TTC13: variants seen among roughly 807,000 people sequenced by gnomAD.
The protein encoded by TTC13 is tetratricopeptide repeat domain 13, also known as tetratricopeptide repeat protein 13.
Under a neutral mutation model 120.0 loss-of-function variants are expected in TTC13, and 62 were observed. The observed-to-expected ratio is 0.52, with a 90% confidence interval of 0.42 to 0.64. The LOEUF is 0.64. Ranked by LOEUF, TTC13 falls within the 30% of genes least tolerant of loss-of-function variation. The pLI is 0.00. For synonymous variants in TTC13, 384 were observed against 393.5 expected (o/e 0.98, Z 0.28); for missense variants, 824 against 1,050.2 (o/e 0.78, Z 2.98).
intron 21 of TTC13, 25 bp downstream of exon 21, chr1:230,908,916 AT>A (rs1671216453): frequency 1.2e-6 from 2 of 1,613,430 alleles, no homozygotes; most frequent in Non-Finnish European, 1.7e-6. Context: ...ATAACCAAGC[AT>A]TTCTCCCTTC....
In TTC13 at chr1:230,931,838, T is replaced by C. The variant is rs143122625; in HGVS notation, c.1023A>G (p.Gln341=). 3.6e-4 allele frequency: 579 copies of C among 1,614,072 alleles called. No homozygotes were observed. The highest frequency in any genetic ancestry group is 4.4e-4 in the Non-Finnish European group (514 of 1,180,036). The change falls in exon 10 of 23, where the codon CAA becomes CAG. Residue 341 remains glutamine, a synonymous_variant. Coordinates refer to ENST00000366661, the MANE Select transcript of TTC13 (RefSeq NM_024525.5). ...GNFEAATESF[Q]KALLLNQNHV... ...GATTTTGGTTGAGCAACAGTGCCTT[T>C]TGAAAGCTCTCAGTGGCTGCTTCAA...
intron 1 of TTC13, among the ~76,000 whole-genome samples, chr1:230,962,183 C>T (rs1676698612): frequency 6.7e-6 from 1 of 149,940 alleles, no homozygotes; most frequent in Non-Finnish European, 1.5e-5. Flanking sequence ...GCACTCCAGC[C>T]TGGGCAACAA....
In TTC13 at chr1:230,978,136, C is replaced by T. The variant is rs1678540698; in HGVS notation, c.271+424G>A. The stretch of plus-strand genomic sequence containing the variant: ...CTAAGATGTGCCAGGCGTCTCCCTC[C>T]GGGGGCGGGCTCCGCAAGCCGCCGG... On this transcript the variant is annotated intron_variant, in intron 1 of 22. Transcript: ENST00000366661. The surrounding 1 kb of genome is among the most constrained non-coding windows in gnomAD (Gnocchi z 5.6). Among the ~76,000 whole-genome samples the T allele has an allele frequency of 6.6e-6, 1 of 152,214 alleles. No individual in the cohort carries two copies. Among genetic ancestry groups the T allele is most frequent in the African/African-American group, 2.4e-5 (1 of 41,456 alleles).
Position 230,973,547 on chromosome 1 carries a change from G to A in TTC13, c.271+5013C>T, listed in dbSNP as rs562692371. Among the ~76,000 whole-genome samples the A allele has an allele frequency of 2.0e-5, 3 of 152,282 alleles. No individual in the cohort carries two copies. The East Asian group carries it at 5.8e-4, about 29-fold the overall frequency. ...AAATTAAGACATCAAGTACAGGGCT[G>A]CATCACTCAAGAGCAGTGAAAAAAG... is the stretch of plus-strand genomic sequence containing the variant. On this transcript the variant is annotated intron_variant, in intron 1 of 22. Transcript: ENST00000366661.
At chr1:230,947,855 C>T (rs906480855) in intron 4 of TTC13, among the ~76,000 whole-genome samples, 3 of 152,178 alleles carry the variant, frequency 2.0e-5, no homozygotes, top group East Asian at 1.9e-4. Context: ...CCCGCACACC[C>T]GTGGCCGGGG....
chr1:230,974,554 C>G (rs1264778004), intron 1 of TTC13, among the ~76,000 whole-genome samples: 1 of 152,186 alleles, frequency 6.6e-6, no homozygotes, highest in African/African-American at 2.4e-5. Context: ...CTATACCATA[C>G]AACCAAGGTG....
intron 9 of TTC13, among the ~76,000 whole-genome samples, chr1:230,932,296 A>ATTT (rs34062590): frequency 2.0e-5 from 3 of 146,670 alleles, no homozygotes; most frequent in African/African-American, 7.5e-5. Context: ...TTAAAAATGC[A>ATTT]TTTTTTTTTT....
intron 1 of TTC13, among the ~76,000 whole-genome samples, chr1:230,973,343 C>G (rs577613025): frequency 1.3e-5 from 2 of 152,328 alleles, no homozygotes; most frequent in East Asian, 3.9e-4. Flanking sequence ...CATGGACAAT[C>G]TCAGTGTTAC....
At chr1:230,949,807 A>T (rs539745990) in intron 4 of TTC13, among the ~76,000 whole-genome samples, 3 of 152,006 alleles carry the variant, frequency 2.0e-5, no homozygotes, top group Admixed American at 6.6e-5. Context: ...CACCATGCCC[A>T]GCTAATTTTG....
At chr1:230,960,155 T>C (rs1676482782) in intron 2 of TTC13, among the ~76,000 whole-genome samples, 1 of 152,172 alleles carries the variant, frequency 6.6e-6, no homozygotes, top group Admixed American at 6.6e-5. Context: ...CAAATAAATA[T>C]CTGGAGAATG....
chr1:230,925,481 A>T (rs527599965), intron 13 of TTC13, 36 bp downstream of exon 13: 5 of 1,611,874 alleles, frequency 3.1e-6, no homozygotes. Flanking sequence ...CTCTTATGCC[A>T]GGAATATTTT....
At chr1:230,928,911 A>T (rs1387566990) in intron 12 of TTC13, 26 bp downstream of exon 12, 4 of 1,609,734 alleles carry the variant, frequency 2.5e-6, no homozygotes, top group Non-Finnish European at 3.4e-6. Context: ...AAGGAAAAAA[A>T]AATCATCTTC....
At chr1:230,959,779 G>T (rs1253861032) in intron 2 of TTC13, among the ~76,000 whole-genome samples, 1 of 152,218 alleles carries the variant, frequency 6.6e-6, no homozygotes, top group East Asian at 1.9e-4. Flanking sequence ...CTATGCTCAA[G>T]TAAGTTTGAA....
chr1:230,939,453 A>C lies in TTC13; in HGVS notation c.833T>G (p.Leu278Arg). Residue 278 changes from leucine to arginine, a missense_variant, in exon 8 of 23, where the codon CTG becomes CGG. Physicochemically the swap from Leu to Arg is moderately radical, Grantham distance 102. Around this residue, in one of 4 missense-constraint regions of TTC13, gnomAD observed 430 missense variants for 626.8 expected, o/e 0.69. Coordinates refer to ENST00000366661, the MANE Select transcript of TTC13 (RefSeq NM_024525.5). ...CATAGCTATAGGCTGGTTTTTGTTC[A>C]GTTCTAAGGACTGCTGAAAGTCTTC... is the stretch of plus-strand genomic sequence containing the variant. Reference protein sequence around the residue: ...AHEDFQQSLELNKNQPIAMLY... With the variant: ...AHEDFQQSLERNKNQPIAMLY... The C allele has an allele frequency of 1.2e-6, 2 of 1,612,662 alleles. No homozygotes were observed. The highest frequency in any genetic ancestry group is 1.7e-6 in the Non-Finnish European group (2 of 1,178,982).
chr1:230,958,302 G>T lies in TTC13; in HGVS notation c.367-3C>A. ...TCTGCAATAGACTTGGCCTGGCTCT[G>T]GGAAAAAAAAAAAAAAAACCCATAC... is the stretch of plus-strand genomic sequence containing the variant. On this transcript the variant is annotated splice_region_variant and splice_polypyrimidine_tract_variant and intron_variant, in intron 2 of 22. Transcript: ENST00000366661. 6.5e-7 allele frequency: 1 copy of T among 1,529,296 alleles called. No individual in the cohort carries two copies. The highest frequency in any genetic ancestry group is 8.7e-7 in the Non-Finnish European group (1 of 1,145,920). 94.7% of individuals were successfully genotyped at this position (1,529,296 alleles called of 1,614,324 possible).
rs115661992 is a variant in TTC13, at chr1:230,974,136, A to G, written c.271+4424T>C. Among the ~76,000 whole-genome samples, 657 of 152,086 alleles carry G rather than the reference A, an allele frequency of 4.3e-3. 5 individuals are homozygous for G. Among genetic ancestry groups the G allele is most frequent in the African/African-American group, 0.015 (635 of 41,454 alleles). On this transcript the variant is annotated intron_variant, in intron 1 of 22. Coordinates refer to ENST00000366661, the MANE Select transcript of TTC13 (RefSeq NM_024525.5). ...TTTTTAAATCAATGAACAAGTTACA[A>G]ATTTCACAAGACCTTAATGTAGCAG...
chr1:230,928,954 C>G lies in TTC13; in HGVS notation c.1440G>C (p.Gly480=). The change falls in exon 12 of 23, where the codon GGG becomes GGC. Residue 480 remains glycine, a synonymous_variant. Transcript: ENST00000366661. Reference sequence around the variant, plus strand: ...GCACTTACTTTATGTGGGGTTGCAACCCTGGCTGCTCTTCGTAGTCTTCTA... The same window carrying G: ...GCACTTACTTTATGTGGGGTTGCAAGCCTGGCTGCTCTTCGTAGTCTTCTA... The part of the protein sequence containing the change: ...FLIEDYEEQP[G]LQPHIKDVLH... 1 of 1,613,942 alleles carries G rather than the reference C, an allele frequency of 6.2e-7. No individual in the cohort carries two copies. The highest frequency in any genetic ancestry group is 1.1e-5 in the South Asian group (1 of 91,018).
In TTC13 at chr1:230,940,103, A is replaced by T. The variant is rs557385772; in HGVS notation, c.789+337T>A. Among the ~76,000 whole-genome samples, 58 of 152,350 alleles carry T rather than the reference A, an allele frequency of 3.8e-4. No individual in the cohort carries two copies. The highest frequency in any genetic ancestry group is 1.3e-3 in the African/African-American group (55 of 41,592). Reference sequence around the variant, plus strand: ...TTCAAATTGTACCGCTAAGTTTAATAATCACATTGACAACATGCACACCTG... The same window carrying T: ...TTCAAATTGTACCGCTAAGTTTAATTATCACATTGACAACATGCACACCTG... On this transcript the variant is annotated intron_variant, in intron 7 of 22. Transcript: ENST00000366661. This position sits in a 1 kb window ranked among gnomAD's most constrained non-coding sequence, Gnocchi z 4.1.
intron 22 of TTC13, 21 bp downstream of exon 22, chr1:230,908,690 TG>T (rs1359697200): frequency 6.2e-7 from 1 of 1,603,962 alleles, no homozygotes; most frequent in Non-Finnish European, 8.5e-7. Context: ...TACCCTTGTG[TG>T]GACCCCCCTC....
Sources: allele counts gnomAD v4.1 joint callset (sites outside exome capture counted in the v4.1 genomes callset), GRCh38; gene constraint gnomAD v4.1.1; regional missense constraint gnomAD v4.1.1; non-coding constraint Gnocchi (gnomAD v3.1); transcripts MANE v1.5; gene names NCBI Gene and HGNC (gene_info 2026-07-23, HGNC 2026-07-21).